Variants in TMEM178B observed in about 807,000 individuals in gnomAD.
TMEM178B encodes transmembrane protein 178B.
A neutral mutation model predicts 31.0 loss-of-function variants in TMEM178B; 5 were observed. That is an observed-to-expected ratio of 0.16 (90% CI 0.08 to 0.34). The LOEUF is 0.34. Ranked by LOEUF, TMEM178B falls within the 10% of genes least tolerant of loss-of-function variation. TMEM178B has a pLI of 1.00. For synonymous variants in TMEM178B, 164 were observed against 164.0 expected (o/e 1.00, Z 0.00); for missense variants, 275 against 400.3 (o/e 0.69, Z 2.67).
At chr7:141,407,434 TC>T (rs945139884) in intron 2 of TMEM178B, among the ~76,000 whole-genome samples, 5 of 152,212 alleles carry the variant, frequency 3.3e-5, no homozygotes. Flanking sequence ...GATGTGCTTT[TC>T]CCCTCAGGAA....
chr7:141,109,364 TAGAG>T (rs1167612177), intron 1 of TMEM178B, among the ~76,000 whole-genome samples: 1 of 151,778 alleles, frequency 6.6e-6, no homozygotes, highest in Non-Finnish European at 1.5e-5. Flanking sequence ...AAATGAATAT[TAGAG>T]AGAGTAAGCT....
In TMEM178B at chr7:141,253,042, G is replaced by A. The variant is rs544455571; in HGVS notation, c.496+40338G>A. On this transcript the variant is annotated intron_variant, in intron 2 of 3. Coordinates refer to ENST00000565468, the MANE Select transcript of TMEM178B (RefSeq NM_001195278.2). ...GGCAATCTGTATGTGCACATGCCCC[G>A]CCCTCTGCCTCCTCCAGTTCTGTGG... 5.7e-4 allele frequency among the ~76,000 whole-genome samples: 87 copies of A among 152,290 alleles called. 1 individual carries two copies. The South Asian group carries it at 0.017, about 30-fold the overall frequency.
chr7:141,479,941 TATG>T lies in TMEM178B; in HGVS notation c.*9159_*9161del, dbSNP rs1479182332. 6.6e-6 allele frequency: 1 copy of T among 152,254 alleles called. No individual in the cohort carries two copies. The highest frequency in any genetic ancestry group is 2.4e-5 in the African/African-American group (1 of 41,464). 9.4% of individuals were successfully genotyped at this position (152,254 alleles called of 1,614,324 possible). ...AAAATATTATGTTAATTTGTTCTGA[TATG>T]ATGTGAATAAATGTGTTGTTTAATC... On this transcript the variant is annotated 3_prime_UTR_variant, in exon 4 of 4. Coordinates refer to ENST00000565468, the MANE Select transcript of TMEM178B (RefSeq NM_001195278.2).
intron 2 of TMEM178B, among the ~76,000 whole-genome samples, chr7:141,348,166 G>A (rs943829964): frequency 5.9e-5 from 9 of 152,180 alleles, no homozygotes; most frequent in African/African-American, 2.2e-4. Flanking sequence ...TAGCGGGTTG[G>A]TTTTTTATCG....
At chr7:141,325,839 A>T (rs78115710) in intron 2 of TMEM178B, among the ~76,000 whole-genome samples, 1 of 152,090 alleles carries the variant, frequency 6.6e-6, no homozygotes, top group Admixed American at 6.5e-5. Context: ...AAAAAGTCTG[A>T]TTCTCTATGG....
At chr7:141,207,773 C>T (rs1796989245) in intron 1 of TMEM178B, among the ~76,000 whole-genome samples, 1 of 152,144 alleles carries the variant, frequency 6.6e-6, no homozygotes, top group African/African-American at 2.4e-5. Context: ...AGTGTCCCAC[C>T]AGTCCAGGGA....
chr7:141,265,921 G>A (rs571428976), intron 2 of TMEM178B, among the ~76,000 whole-genome samples: 1 of 152,202 alleles, frequency 6.6e-6, no homozygotes, highest in Non-Finnish European at 1.5e-5. Context: ...CCAGCTGAAG[G>A]CTCTTTACTA....
At chr7:141,507,831 G>T in the TMEM178B span, among the ~76,000 whole-genome samples, 5 of 152,160 alleles carry the variant, frequency 3.3e-5, no homozygotes, top group Non-Finnish European at 7.4e-5. Flanking sequence ...AAGTCCCTAG[G>T]TTGCACACAG....
chr7:141,230,599 C>T (rs1797425863), intron 2 of TMEM178B, among the ~76,000 whole-genome samples: 1 of 152,150 alleles, frequency 6.6e-6, no homozygotes, highest in South Asian at 2.1e-4. Flanking sequence ...ACCCTCTTCA[C>T]TTTCCCCCTT....
intron 2 of TMEM178B, among the ~76,000 whole-genome samples, chr7:141,428,190 C>A (rs1334396427): frequency 1.3e-5 from 2 of 151,642 alleles, no homozygotes; most frequent in Non-Finnish European, 2.9e-5. Flanking sequence ...ATGGAGAAAC[C>A]CTGTCTCTAC....
chr7:141,157,433 A>ACACACACACG (rs1796090154), intron 1 of TMEM178B, among the ~76,000 whole-genome samples: 1 of 151,686 alleles, frequency 6.6e-6, no homozygotes, highest in Non-Finnish European at 1.5e-5. Flanking sequence ...GCGTGCACAC[A>ACACACACACG]CACACACACG....
chr7:141,088,830 TAAAA>T (rs1328338368), intron 1 of TMEM178B, among the ~76,000 whole-genome samples: 1 of 152,150 alleles, frequency 6.6e-6, no homozygotes, highest in Non-Finnish European at 1.5e-5. Flanking sequence ...AAATAAACCT[TAAAA>T]AAGAAAATAA....
Position 141,470,901 on chromosome 7 carries a change from C to CTCAG in TMEM178B, c.*116_*119dup. The stretch of plus-strand genomic sequence containing the variant: ...CAGTGCCAAGGTAGAGTTGAGTTGG[C>CTCAG]TCAGGCACCTGCATCTCGCCGGACT... On this transcript the variant is annotated 3_prime_UTR_variant, in exon 4 of 4. Transcript: ENST00000565468. 1.7e-6 allele frequency: 1 copy of CTCAG among 602,842 alleles called. No homozygotes were observed. Among genetic ancestry groups the CTCAG allele is most frequent in the South Asian group, 7.7e-5 (1 of 12,970 alleles). 37.3% of individuals were successfully genotyped at this position (602,842 alleles called of 1,614,324 possible).
rs1796345352 is a variant in TMEM178B at position 141,171,262 on chromosome 7, A to C, written c.383-41329A>C. On this transcript the variant is annotated intron_variant, in intron 1 of 3. Coordinates refer to ENST00000565468, the MANE Select transcript of TMEM178B (RefSeq NM_001195278.2). This position sits in a 1 kb window ranked among gnomAD's most constrained non-coding sequence, Gnocchi z 4.3. Reference sequence around the variant, plus strand: ...GCGTTCAGGAGTTGGAGACCAGCCAAGGCAACATTGTGAGACCCTGTCTCT... The same window carrying C: ...GCGTTCAGGAGTTGGAGACCAGCCACGGCAACATTGTGAGACCCTGTCTCT... Among the ~76,000 whole-genome samples, 1 of 152,140 alleles carries C rather than the reference A, an allele frequency of 6.6e-6. No homozygotes were observed. The highest frequency in any genetic ancestry group is 1.5e-5 in the Non-Finnish European group (1 of 68,028).
chr7:141,311,664 TA>T (rs1039127665), intron 2 of TMEM178B, among the ~76,000 whole-genome samples: 1 of 152,250 alleles, frequency 6.6e-6, no homozygotes, highest in Non-Finnish European at 1.5e-5. Flanking sequence ...GACATTTCTT[TA>T]AAAAACTATT....
chr7:141,220,462 T>G (rs1395455529), intron 2 of TMEM178B, among the ~76,000 whole-genome samples: 1 of 151,988 alleles, frequency 6.6e-6, no homozygotes, highest in East Asian at 1.9e-4. Flanking sequence ...CATGGCTGCC[T>G]ATACAAGGGC....
chr7:141,459,854 T>G (rs564164945), intron 3 of TMEM178B, among the ~76,000 whole-genome samples: 2 of 151,286 alleles, frequency 1.3e-5, no homozygotes, highest in East Asian at 3.9e-4. Context: ...GATCTTGTGA[T>G]CCAATCTAAA....
intron 2 of TMEM178B, among the ~76,000 whole-genome samples, chr7:141,331,775 C>G (rs928300538): frequency 6.6e-6 from 1 of 152,152 alleles, no homozygotes; most frequent in South Asian, 2.1e-4. Flanking sequence ...GGGCAAGTGT[C>G]TATCTGCTGA....
intron 2 of TMEM178B, among the ~76,000 whole-genome samples, chr7:141,384,784 G>A (rs1475428774): frequency 6.6e-6 from 1 of 152,098 alleles, no homozygotes. Context: ...TTTTCAACAT[G>A]TGGAGGAGAC....
Sources: allele counts gnomAD v4.1 joint callset (sites outside exome capture counted in the v4.1 genomes callset), GRCh38; gene constraint gnomAD v4.1.1; non-coding constraint Gnocchi (gnomAD v3.1); transcripts MANE v1.5; gene names NCBI Gene and HGNC (gene_info 2026-07-23, HGNC 2026-07-21).